The following CDH7 variants were observed in gnomAD, a reference collection of about 807,000 sequenced individuals.
The protein encoded by CDH7 is cadherin 7.
CDH7 carries 25 observed loss-of-function variants against 71.8 expected under a neutral mutation model. That is an observed-to-expected ratio of 0.35 (90% CI 0.25 to 0.49). CDH7 has a LOEUF of 0.49. CDH7 is among the 20% of genes least tolerant of loss of function. The pLI, the probability that CDH7 is intolerant of heterozygous loss-of-function variation, is 0.99. For synonymous variants in CDH7, 381 were observed against 363.8 expected (o/e 1.05, Z -0.54); for missense variants, 862 against 974.6 (o/e 0.88, Z 1.54).
intron 2 of CDH7, among the ~76,000 whole-genome samples, chr18:65,781,767 T>TTTCTTTCC (rs1568181229): frequency 0.026 from 1,945 of 74,804 alleles, 75 homozygotes; most frequent in Non-Finnish European, 0.032. Flanking sequence ...TCTTTCTTTC[T>TTTCTTTCC]TTCCTTCCTT....
chr18:65,861,215 T>A (rs1599058743), intron 10 of CDH7, among the ~76,000 whole-genome samples: 1 of 152,260 alleles, frequency 6.6e-6, no homozygotes, highest in South Asian at 2.1e-4. Context: ...GGAAAACATA[T>A]GAATACAGAG....
intron 2 of CDH7, among the ~76,000 whole-genome samples, chr18:65,774,117 T>C (rs995927254): frequency 6.6e-6 from 1 of 151,992 alleles, no homozygotes; most frequent in Non-Finnish European, 1.5e-5. Flanking sequence ...AAAATAAAAA[T>C]CAAGATTTTT....
intron 4 of CDH7, among the ~76,000 whole-genome samples, chr18:65,820,348 T>C (rs896612268): frequency 6.6e-6 from 1 of 151,886 alleles, no homozygotes; most frequent in African/African-American, 2.4e-5. Flanking sequence ...CACGGAGTTA[T>C]AGGTATCCAA....
chr18:65,831,320 A>T (rs1242760489), intron 6 of CDH7, among the ~76,000 whole-genome samples: 1 of 152,148 alleles, frequency 6.6e-6, no homozygotes. Flanking sequence ...CATCACTCTC[A>T]TTCACATCCC....
chr18:65,778,093 G>C (rs1598996516), intron 2 of CDH7, among the ~76,000 whole-genome samples: 1 of 151,854 alleles, frequency 6.6e-6, no homozygotes, highest in Non-Finnish European at 1.5e-5. Context: ...CCAATATGGT[G>C]AAACCCCCTC....
intron 10 of CDH7, among the ~76,000 whole-genome samples, chr18:65,862,180 C>T (rs185617717): frequency 2.6e-5 from 4 of 152,046 alleles, no homozygotes; most frequent in Admixed American, 1.3e-4. Flanking sequence ...CCTGTATATT[C>T]AATTTAAATA....
chr18:65,825,712 A>T (rs1049934294), intron 6 of CDH7, among the ~76,000 whole-genome samples: 1 of 151,818 alleles, frequency 6.6e-6, no homozygotes, highest in Non-Finnish European at 1.5e-5. Context: ...AAAAAGTGAT[A>T]TTTTATTTGT....
intron 6 of CDH7, among the ~76,000 whole-genome samples, chr18:65,835,853 G>A (rs1255215313): frequency 6.6e-6 from 1 of 152,298 alleles, no homozygotes; most frequent in African/African-American, 2.4e-5. Context: ...ATATGTGAAC[G>A]TTTTACCTTA....
intron 11 of CDH7, among the ~76,000 whole-genome samples, chr18:65,879,673 T>A (rs561133172): frequency 2.1e-4 from 32 of 152,326 alleles, no homozygotes; most frequent in African/African-American, 7.7e-4. Flanking sequence ...AACCTCCTGC[T>A]TTAAGATGTG....
At chr18:65,873,538 A>G (rs1913986554) in intron 11 of CDH7, among the ~76,000 whole-genome samples, 1 of 152,236 alleles carries the variant, frequency 6.6e-6, no homozygotes, top group African/African-American at 2.4e-5. Context: ...GATTATTGAG[A>G]CAATATTTTA....
chr18:65,868,010 G>GA (rs1913817011), intron 11 of CDH7, among the ~76,000 whole-genome samples: 1 of 151,866 alleles, frequency 6.6e-6, no homozygotes, highest in African/African-American at 2.4e-5. Context: ...TTTTCCAACA[G>GA]AAAAATGCTT....
At chr18:65,780,287 G>T (rs1364704588) in intron 2 of CDH7, among the ~76,000 whole-genome samples, 1 of 116,434 alleles carries the variant, frequency 8.6e-6, no homozygotes, top group Non-Finnish European at 1.7e-5. Flanking sequence ...TTCTTTTGCT[G>T]TGCAGAAGCT....
chr18:65,772,808 T>C (rs1282025072), intron 2 of CDH7, among the ~76,000 whole-genome samples: 2 of 152,152 alleles, frequency 1.3e-5, no homozygotes, highest in African/African-American at 2.4e-5. Flanking sequence ...TCTAGACTGA[T>C]GATGGAAAAT....
chr18:65,867,231 T>G (rs1471141013), intron 11 of CDH7, among the ~76,000 whole-genome samples: 1 of 152,066 alleles, frequency 6.6e-6, no homozygotes, highest in Admixed American at 6.6e-5. Flanking sequence ...GAGATGGGGT[T>G]TCACTGTGTT....
intron 2 of CDH7, among the ~76,000 whole-genome samples, chr18:65,773,977 C>T (rs1916622045): frequency 6.6e-6 from 1 of 152,044 alleles, no homozygotes; most frequent in African/African-American, 2.4e-5. Context: ...AATTATTGCT[C>T]CCAAGCATTT....
At chr18:65,767,484 A>T (rs1275937105) in intron 2 of CDH7, among the ~76,000 whole-genome samples, 2 of 152,210 alleles carry the variant, frequency 1.3e-5, no homozygotes, top group Non-Finnish European at 2.9e-5. Context: ...CATAGTCATC[A>T]TAGCAAAATC....
chr18:65,842,078 T>G (rs1387760230), intron 6 of CDH7, among the ~76,000 whole-genome samples: 1 of 152,176 alleles, frequency 6.6e-6, no homozygotes, highest in Non-Finnish European at 1.5e-5. Flanking sequence ...TGACTGTTAT[T>G]TCTTCCCTTA....
chr18:65,862,568 A>G, intron 10 of CDH7, 98 bp from the exon 11 acceptor site: 1 of 1,206,684 alleles, frequency 8.3e-7, no homozygotes, highest in Non-Finnish European at 1.2e-6. Context: ...AGATTTCCCT[A>G]ATTAAGGCAT....
chr18:65,799,662 C>T (rs982850390), intron 2 of CDH7, among the ~76,000 whole-genome samples: 3 of 151,002 alleles, frequency 2.0e-5, no homozygotes, highest in African/African-American at 7.3e-5. Flanking sequence ...GGTGACAGAG[C>T]GAGACTCTGT....
Sources: gnomAD v4.1 joint callset for allele counts (sites outside exome capture counted in the v4.1 genomes callset) on GRCh38, gnomAD v4.1.1 for gene constraint, MANE v1.5 for transcripts, NCBI Gene and HGNC (gene_info 2026-07-23, HGNC 2026-07-21) for gene names.